GPHN: variants seen among roughly 807,000 people sequenced by gnomAD.
GPHN encodes the protein gephyrin.
Under a neutral mutation model 95.5 loss-of-function variants are expected in GPHN, and 17 were observed. The ratio of observed to expected loss-of-function variants is 0.18; its 90% CI spans 0.12 to 0.27. GPHN has a LOEUF of 0.27. GPHN is among the 10% of genes least tolerant of loss of function. GPHN has a pLI of 1.00. For missense variants in GPHN, 660 were observed against 978.1 expected, an observed-to-expected ratio of 0.67 and a Z score of 4.34; for synonymous variants, 320 against 322.5, an observed-to-expected ratio of 0.99 and a Z score of 0.08.
chr14:67,538,065 G>A, the GPHN span, among the ~76,000 whole-genome samples: 1 of 152,128 alleles, frequency 6.6e-6, no homozygotes, highest in African/African-American at 2.4e-5. Context: ...GGGACTTATT[G>A]TACTATTCTC....
chr14:66,683,743 C>T (rs566576265), intron 2 of GPHN, among the ~76,000 whole-genome samples: 5 of 151,498 alleles, frequency 3.3e-5, no homozygotes, highest in East Asian at 1.9e-4. Context: ...TTTGGGAGGC[C>T]GAGGTGGGCG....
Position 66,525,447 on chromosome 14 carries a change from G to C in GPHN, c.64+16856G>C, listed in dbSNP as rs143009921. Reference sequence around the variant, plus strand: ...CTTTCTCCCATTCTGTAGGTTGCCTGTTCACTCTGATGGTAGTTTCTTTTG... The same window carrying C: ...CTTTCTCCCATTCTGTAGGTTGCCTCTTCACTCTGATGGTAGTTTCTTTTG... On this transcript the variant is annotated intron_variant, in intron 1 of 22. Transcript: ENST00000478722. Among the ~76,000 whole-genome samples, 782 of 152,264 alleles carry C rather than the reference G, an allele frequency of 5.1e-3. 8 individuals carry two copies. The highest frequency in any genetic ancestry group is 0.018 in the African/African-American group (742 of 41,534).
chr14:67,128,845 G>C (rs1406849523), intron 17 of GPHN, among the ~76,000 whole-genome samples: 1 of 148,850 alleles, frequency 6.7e-6, no homozygotes, highest in African/African-American at 2.5e-5. Flanking sequence ...ACGGAGTTTC[G>C]CTGTTGTTGC....
At chr14:67,356,447 ACAAAAAC>A in the GPHN span, among the ~76,000 whole-genome samples, 29 of 140,772 alleles carry the variant, frequency 2.1e-4, no homozygotes, top group African/African-American at 7.3e-4. Flanking sequence ...AAAAAAAAAA[ACAAAAAC>A]AAACAAACAC....
intron 8 of GPHN, among the ~76,000 whole-genome samples, chr14:66,939,815 C>T (rs1031564851): frequency 6.6e-6 from 1 of 152,220 alleles, no homozygotes; most frequent in Non-Finnish European, 1.5e-5. Context: ...AGTCACATCT[C>T]CTTCAGAGGC....
chr14:66,996,598 G>C (rs1594766281), intron 9 of GPHN, among the ~76,000 whole-genome samples: 1 of 152,124 alleles, frequency 6.6e-6, no homozygotes, highest in South Asian at 2.1e-4. Flanking sequence ...GTCTGTGTCT[G>C]ATAGCTGAAG....
At chr14:67,523,107 G>A in the GPHN span, among the ~76,000 whole-genome samples, 13 of 152,120 alleles carry the variant, frequency 8.5e-5, no homozygotes, top group African/African-American at 3.1e-4. Flanking sequence ...GGTGGATCAC[G>A]AGGTCAGGAG....
At chr14:66,735,784 A>G (rs1010381875) in intron 2 of GPHN, among the ~76,000 whole-genome samples, 3 of 152,162 alleles carry the variant, frequency 2.0e-5, no homozygotes, top group East Asian at 3.8e-4. Flanking sequence ...CAGACTCTCT[A>G]GAAGAAATTT....
chr14:67,375,180 C>A, the GPHN span, among the ~76,000 whole-genome samples: 1 of 151,870 alleles, frequency 6.6e-6, no homozygotes, highest in Non-Finnish European at 1.5e-5. Flanking sequence ...GTCAGTATTT[C>A]TCTTTTCTCA....
At chr14:66,858,276 T>C (rs2062880196) in intron 4 of GPHN, among the ~76,000 whole-genome samples, 1 of 151,458 alleles carries the variant, frequency 6.6e-6, no homozygotes, top group Non-Finnish European at 1.5e-5. Context: ...TGCTTCTGCT[T>C]GAGGAGAGGG....
At chr14:67,255,548 A>T in the GPHN span, among the ~76,000 whole-genome samples, 1 of 152,232 alleles carries the variant, frequency 6.6e-6, no homozygotes, top group African/African-American at 2.4e-5. Context: ...TAATGATTGC[A>T]TAAGTGATTT....
the GPHN span, among the ~76,000 whole-genome samples, chr14:67,451,746 G>A: frequency 6.6e-6 from 1 of 152,190 alleles, no homozygotes; most frequent in Non-Finnish European, 1.5e-5. Flanking sequence ...TCTTGGATGA[G>A]ACTTTGGACT....
the GPHN span, among the ~76,000 whole-genome samples, chr14:67,193,237 G>T: frequency 3.3e-5 from 4 of 122,692 alleles, no homozygotes; most frequent in South Asian, 2.7e-4. Context: ...TCTCTATATA[G>T]ACATCTATCT....
At chr14:67,632,250 T>A in the GPHN span, among the ~76,000 whole-genome samples, 3 of 152,218 alleles carry the variant, frequency 2.0e-5, no homozygotes, top group East Asian at 5.8e-4. Context: ...ATGTCTTCCA[T>A]GTATCTTATC....
chr14:66,947,364 T>C (rs992221545), intron 8 of GPHN, among the ~76,000 whole-genome samples: 38 of 152,212 alleles, frequency 2.5e-4, no homozygotes, highest in African/African-American at 8.7e-4. Flanking sequence ...CACCTTGTTA[T>C]TTTCCTTTAT....
intron 1 of GPHN, among the ~76,000 whole-genome samples, chr14:66,531,639 T>A (rs1019931571): frequency 1.3e-5 from 2 of 152,146 alleles, no homozygotes; most frequent in Non-Finnish European, 2.9e-5. Context: ...TGTCTATGAG[T>A]GATATATTGG....
chr14:67,378,353 A>G, the GPHN span, among the ~76,000 whole-genome samples: 1 of 137,018 alleles, frequency 7.3e-6, no homozygotes, highest in African/African-American at 2.8e-5. Flanking sequence ...ATCACGTGGT[A>G]GAAAAGGTGG....
intron 5 of GPHN, among the ~76,000 whole-genome samples, chr14:66,890,619 C>A (rs1567065717): frequency 6.6e-6 from 1 of 151,644 alleles, no homozygotes; most frequent in African/African-American, 2.4e-5. Context: ...ACAGGAAAAA[C>A]AAAACAAAAC....
chr14:67,310,784 A>G, the GPHN span, among the ~76,000 whole-genome samples: 1 of 152,200 alleles, frequency 6.6e-6, no homozygotes, highest in Non-Finnish European at 1.5e-5. Flanking sequence ...AAATTAAAAA[A>G]TATTCTTTAA....
Sources: allele counts gnomAD v4.1 joint callset (sites outside exome capture counted in the v4.1 genomes callset), GRCh38; gene constraint gnomAD v4.1.1; transcripts MANE v1.5; gene names NCBI Gene and HGNC (gene_info 2026-07-23, HGNC 2026-07-21).